Variants in DNM3 observed in about 807,000 individuals in gnomAD.
DNM3 encodes dynamin 3, also known as dynamin-3.
A neutral mutation model predicts 101.6 loss-of-function variants in DNM3; 47 were observed. The observed-to-expected ratio is 0.46, with a 90% confidence interval of 0.37 to 0.59. DNM3 has a LOEUF of 0.59. Ranked by LOEUF, DNM3 falls within the 20% of genes least tolerant of loss-of-function variation. DNM3 has a pLI of 0.00. For missense variants in DNM3, 849 were observed against 1,085.7 expected, an observed-to-expected ratio of 0.78 and a Z score of 3.06; for synonymous variants, 385 against 387.9, an observed-to-expected ratio of 0.99 and a Z score of 0.09.
chr1:171,928,978 A>G lies in DNM3; in HGVS notation c.235+7157A>G, dbSNP rs138486167. Among the ~76,000 whole-genome samples the G allele has an allele frequency of 1.8e-3, 273 of 152,308 alleles. 1 individual carries two copies. Among genetic ancestry groups the G allele is most frequent in the Non-Finnish European group, 1.5e-3 (103 of 68,020 alleles). ...CCCCTCCCTCTGGGAGCTCCGTCCC[A>G]GGGAGTTACAGACCTGTTGCCAGCC... On this transcript the variant is annotated intron_variant, in intron 2 of 20. Transcript: ENST00000627582.
intron 14 of DNM3, among the ~76,000 whole-genome samples, 180 bp downstream of exon 14, chr1:172,131,468 C>T (rs967525836): frequency 5.9e-5 from 9 of 152,132 alleles, no homozygotes; most frequent in African/African-American, 1.7e-4. Flanking sequence ...TTACAATATT[C>T]GCCCAAATTT....
chr1:172,376,494 G>A (rs2068608876), intron 17 of DNM3: 1 of 151,998 alleles, frequency 6.6e-6, no homozygotes, highest in African/African-American at 2.4e-5. Flanking sequence ...GAGCACAATG[G>A]AGAATTTGGT....
intron 14 of DNM3, chr1:172,142,011 A>G (rs911537635): frequency 1.3e-5 from 2 of 152,082 alleles, no homozygotes; most frequent in Non-Finnish European, 2.9e-5. Context: ...ACCTAGTCCA[A>G]TTTATCAATC....
chr1:172,010,489 T>G (rs549182353), intron 4 of DNM3, among the ~76,000 whole-genome samples: 20 of 151,792 alleles, frequency 1.3e-4, no homozygotes, highest in South Asian at 1.0e-3. Flanking sequence ...TCTTTTTTTT[T>G]TTGTTAGCAC....
intron 6 of DNM3, among the ~76,000 whole-genome samples, chr1:172,036,160 C>A: frequency 8.9e-6 from 1 of 112,990 alleles, no homozygotes; most frequent in Non-Finnish European, 1.7e-5. Context: ...CCCCCCTCCC[C>A]CCACCCCACA....
At chr1:171,980,767 ATT>A (rs35033942) in intron 2 of DNM3, among the ~76,000 whole-genome samples, 2,167 of 110,204 alleles carry the variant, frequency 0.02, 16 homozygotes, top group African/African-American at 0.045. Flanking sequence ...AAATCTACAG[ATT>A]TTTTTTTTTT....
intron 15 of DNM3, among the ~76,000 whole-genome samples, chr1:172,263,734 A>G (rs2062754638): frequency 6.6e-6 from 1 of 152,188 alleles, no homozygotes; most frequent in Non-Finnish European, 1.5e-5. Flanking sequence ...GGTCCCTCCC[A>G]TGACATGTGG....
chr1:171,994,821 A>T (rs1259176195), intron 4 of DNM3, among the ~76,000 whole-genome samples: 1 of 151,676 alleles, frequency 6.6e-6, no homozygotes, highest in African/African-American at 2.4e-5. Context: ...GAGGCTTTTC[A>T]CACTGAATAA....
intron 10 of DNM3, among the ~76,000 whole-genome samples, chr1:172,049,875 C>T (rs1270753814): frequency 6.6e-6 from 1 of 152,066 alleles, no homozygotes; most frequent in Non-Finnish European, 1.5e-5. Flanking sequence ...AACAGATGTA[C>T]ATAGTAGAAG....
intron 14 of DNM3, among the ~76,000 whole-genome samples, chr1:172,238,379 C>A (rs1443889281): frequency 6.6e-6 from 1 of 152,080 alleles, no homozygotes; most frequent in Non-Finnish European, 1.5e-5. Context: ...AAGAACCTCA[C>A]CCCTACTAAT....
intron 14 of DNM3, among the ~76,000 whole-genome samples, chr1:172,224,586 T>C (rs2148579103): frequency 6.6e-6 from 1 of 152,254 alleles, no homozygotes. Flanking sequence ...TCATGATTGA[T>C]GTTCAGTGAC....
chr1:172,071,541 G>A (rs1456913016), intron 11 of DNM3, among the ~76,000 whole-genome samples: 4 of 152,010 alleles, frequency 2.6e-5, no homozygotes, highest in South Asian at 4.2e-4. Context: ...AGGCCTCCGC[G>A]CCTGAACAGC....
intron 14 of DNM3, among the ~76,000 whole-genome samples, chr1:172,211,939 G>C (rs1057390498): frequency 4.6e-5 from 7 of 151,946 alleles, no homozygotes; most frequent in Non-Finnish European, 8.8e-5. Context: ...GATGAAGGAG[G>C]GTTGGAGGGT....
At chr1:172,006,038 G>A (rs1190491156) in intron 4 of DNM3, among the ~76,000 whole-genome samples, 1 of 152,076 alleles carries the variant, frequency 6.6e-6, no homozygotes, top group Non-Finnish European at 1.5e-5. Flanking sequence ...TATGTGTTCA[G>A]GATTCCAAAT....
intron 15 of DNM3, among the ~76,000 whole-genome samples, chr1:172,299,564 G>A (rs1453341131): frequency 6.6e-6 from 1 of 151,942 alleles, no homozygotes; most frequent in Non-Finnish European, 1.5e-5. Context: ...AATCCCCAGT[G>A]TCTATTGTTC....
Position 172,308,852 on chromosome 1 carries a change from T to C in DNM3, c.1881+13T>C. ...TGACAAATCTGTAGTAAGTTGGATA[T>C]ATCTCTTATGTAAAAATTATTATTA... is the stretch of plus-strand genomic sequence containing the variant. On this transcript the variant is annotated intron_variant, in intron 16 of 20. Coordinates refer to ENST00000627582, the MANE Select transcript of DNM3 (RefSeq NM_015569.5). The C allele has an allele frequency of 6.8e-7, 1 of 1,473,838 alleles. No homozygotes were observed. The highest frequency in any genetic ancestry group is 9.4e-7 in the Non-Finnish European group (1 of 1,061,136). 91.3% of individuals were successfully genotyped at this position (1,473,838 alleles called of 1,614,324 possible).
chr1:172,160,567 C>T (rs949012216), intron 14 of DNM3, among the ~76,000 whole-genome samples: 2 of 151,844 alleles, frequency 1.3e-5, no homozygotes, highest in South Asian at 2.1e-4. Flanking sequence ...GGAAGGTCTT[C>T]GGTGGCAGTA....
At chr1:172,263,391 A>G (rs1184841276) in intron 15 of DNM3, among the ~76,000 whole-genome samples, 3 of 152,226 alleles carry the variant, frequency 2.0e-5, no homozygotes, top group African/African-American at 7.2e-5. Flanking sequence ...TTATTCTGTT[A>G]TGCATTCCAA....
chr1:172,229,474 C>T (rs2061253518), intron 14 of DNM3, among the ~76,000 whole-genome samples: 1 of 152,144 alleles, frequency 6.6e-6, no homozygotes, highest in Admixed American at 6.6e-5. Context: ...CACACTCAGA[C>T]AGACACATGC....
Sources: allele counts gnomAD v4.1 joint callset (sites outside exome capture counted in the v4.1 genomes callset), GRCh38; gene constraint gnomAD v4.1.1; transcripts MANE v1.5; gene names NCBI Gene and HGNC (gene_info 2026-07-23, HGNC 2026-07-21).